SEMA3D: variants seen among roughly 807,000 people sequenced by gnomAD.
SEMA3D encodes semaphorin 3D.
Under a neutral mutation model 100.1 loss-of-function variants are expected in SEMA3D, and 84 were observed. That is an observed-to-expected ratio of 0.84 (90% CI 0.70 to 1.01). The LOEUF is 1.01. SEMA3D is among the 50% of genes least tolerant of loss of function. The pLI is 0.00. For synonymous variants in SEMA3D, 312 were observed against 320.7 expected, an observed-to-expected ratio of 0.97 and a Z score of 0.29; for missense variants, 875 against 934.1, an observed-to-expected ratio of 0.94 and a Z score of 0.82.
chr7:85,210,808 TGTAA>T, the SEMA3D span, among the ~76,000 whole-genome samples: 1 of 152,056 alleles, frequency 6.6e-6, no homozygotes, highest in Non-Finnish European at 1.5e-5. Context: ...CACCATTAGA[TGTAA>T]GTAATATACA....
chr7:85,114,497 A>G (rs1321157182), intron 3 of SEMA3D, among the ~76,000 whole-genome samples: 3 of 152,162 alleles, frequency 2.0e-5, no homozygotes, highest in Non-Finnish European at 4.4e-5. Flanking sequence ...TGACTACTCT[A>G]TTATTAGCAT....
intron 4 of SEMA3D, among the ~76,000 whole-genome samples, chr7:85,089,418 T>G (rs927315822): frequency 2.6e-5 from 4 of 150,980 alleles, no homozygotes; most frequent in African/African-American, 7.4e-5. Flanking sequence ...ACACCACACA[T>G]TTTTTAACAT....
chr7:85,115,810 A>G (rs1440870853), intron 3 of SEMA3D, among the ~76,000 whole-genome samples: 1 of 152,120 alleles, frequency 6.6e-6, no homozygotes, highest in African/African-American at 2.4e-5. Flanking sequence ...AACTGTTATC[A>G]TATTTTTAAA....
At chr7:85,237,664 T>C in the SEMA3D span, among the ~76,000 whole-genome samples, 6 of 152,194 alleles carry the variant, frequency 3.9e-5, no homozygotes, top group African/African-American at 1.4e-4. Context: ...TGTACCCCAA[T>C]TTTTTATCTA....
At chr7:85,086,224 CTTAGAAGGGAAAAATAGTCA>C (rs1788209650) in intron 4 of SEMA3D, among the ~76,000 whole-genome samples, 1 of 152,082 alleles carries the variant, frequency 6.6e-6, no homozygotes, top group African/African-American at 2.4e-5. Flanking sequence ...TAAACATTTA[CTTAGAAGGGAAAAATAGTCA>C]TTATAGCTGT....
chr7:85,004,520 A>T (rs1189724932), intron 18 of SEMA3D, among the ~76,000 whole-genome samples: 3 of 152,114 alleles, frequency 2.0e-5, no homozygotes, highest in Admixed American at 2.0e-4. Context: ...GTTTTATAAG[A>T]AAGTCAGCAG....
chr7:85,110,539 T>G (rs1029564), intron 3 of SEMA3D, among the ~76,000 whole-genome samples: 34,389 of 151,770 alleles, frequency 0.23, 3,938 homozygotes, highest in African/African-American at 0.24. Context: ...TAACCTAGCT[T>G]TCCTTCTAGA....
At chr7:85,000,287 A>G (rs191116909) in intron 18 of SEMA3D, among the ~76,000 whole-genome samples, 4 of 152,330 alleles carry the variant, frequency 2.6e-5, no homozygotes, top group Admixed American at 1.3e-4. Context: ...AACATTTACA[A>G]TTGTATAGAA....
chr7:85,154,504 C>T lies in SEMA3D; in HGVS notation c.-172-765G>A, dbSNP rs533201985. On this transcript the variant is annotated intron_variant, in intron 1 of 18. Coordinates refer to ENST00000284136, the MANE Select transcript of SEMA3D (RefSeq NM_001384900.1). ...GGTTGGGGGATGTCTGTTACTTTCTCTTTCTCTGTACCAAGGCTGACCAGA... is the reference window on the plus strand; with the variant it reads ...GGTTGGGGGATGTCTGTTACTTTCTTTTTCTCTGTACCAAGGCTGACCAGA... Among the ~76,000 whole-genome samples the T allele has an allele frequency of 9.2e-5, 14 of 152,182 alleles. No homozygotes were observed. In the East Asian group the frequency reaches 2.1e-3, roughly 23 times the overall value.
At chr7:85,239,490 G>A in the SEMA3D span, among the ~76,000 whole-genome samples, 4 of 152,144 alleles carry the variant, frequency 2.6e-5, no homozygotes, top group Non-Finnish European at 5.9e-5. Context: ...TCTGTTGTTT[G>A]TAAATTATCC....
intron 4 of SEMA3D, among the ~76,000 whole-genome samples, chr7:85,085,678 G>C (rs924275995): frequency 6.6e-6 from 1 of 152,154 alleles, no homozygotes; most frequent in East Asian, 1.9e-4. Context: ...AGGGAGCACT[G>C]TGGAGCGCTT....
chr7:85,117,957 T>G (rs1260260089), intron 3 of SEMA3D, among the ~76,000 whole-genome samples: 1 of 151,774 alleles, frequency 6.6e-6, no homozygotes, highest in Non-Finnish European at 1.5e-5. Context: ...TTTAAAGATA[T>G]AATCCCATGA....
intron 1 of SEMA3D, among the ~76,000 whole-genome samples, chr7:85,185,369 C>T (rs910175260): frequency 1.3e-5 from 2 of 151,996 alleles, no homozygotes; most frequent in Non-Finnish European, 2.9e-5. Context: ...CCCGCTAGCG[C>T]ACACATGCAG....
intron 1 of SEMA3D, among the ~76,000 whole-genome samples, chr7:85,176,171 T>C (rs1791219948): frequency 6.6e-6 from 1 of 152,140 alleles, no homozygotes; most frequent in Non-Finnish European, 1.5e-5. Context: ...GAGAATATTA[T>C]ATTGCTTCAT....
At chr7:85,158,824 C>A (rs1790667886) in intron 1 of SEMA3D, among the ~76,000 whole-genome samples, 1 of 152,104 alleles carries the variant, frequency 6.6e-6, no homozygotes, top group African/African-American at 2.4e-5. Context: ...GACCAGCCAA[C>A]ACTTAGGGAA....
intron 2 of SEMA3D, among the ~76,000 whole-genome samples, chr7:85,150,692 C>T (rs1204620946): frequency 6.6e-6 from 1 of 151,862 alleles, no homozygotes; most frequent in Admixed American, 6.6e-5. Context: ...GCTTTTGCTA[C>T]ATTTATACCT....
chr7:85,121,754 C>T lies in SEMA3D; in HGVS notation c.138G>A (p.Lys46=). The change falls in exon 3 of 19, where the codon AAG becomes AAA. Residue 46 remains lysine, a synonymous_variant. Coordinates refer to ENST00000284136, the MANE Select transcript of SEMA3D (RefSeq NM_001384900.1). ...GTATATATTTACCTTTGTAGGTTAG[C>T]TTGAGTCTTGGAATATTTTGCTTCA... The part of the protein sequence containing the change: ...GTLKQNIPRL[K]LTYKDLLLSN... 1.9e-6 allele frequency: 3 copies of T among 1,579,424 alleles called. No individual in the cohort carries two copies. Among genetic ancestry groups the T allele is most frequent in the Non-Finnish European group, 2.6e-6 (3 of 1,157,348 alleles).
intron 2 of SEMA3D, among the ~76,000 whole-genome samples, chr7:85,148,179 T>C (rs1420361044): frequency 6.6e-6 from 1 of 152,176 alleles, no homozygotes; most frequent in East Asian, 1.9e-4. Flanking sequence ...ATCACAAGTG[T>C]CAGAAACAGC....
At chr7:85,081,184 A>G (rs1292036835) in intron 5 of SEMA3D, among the ~76,000 whole-genome samples, 1 of 152,216 alleles carries the variant, frequency 6.6e-6, no homozygotes, top group Non-Finnish European at 1.5e-5. Context: ...GTATGCATAA[A>G]TGAAAAATAC....
Sources: gnomAD v4.1 joint callset for allele counts (sites outside exome capture counted in the v4.1 genomes callset) on GRCh38, gnomAD v4.1.1 for gene constraint, MANE v1.5 for transcripts, NCBI Gene and HGNC (gene_info 2026-07-23, HGNC 2026-07-21) for gene names.